Variants in C1orf21 observed in about 807,000 individuals in gnomAD.
C1orf21 encodes uncharacterized protein C1orf21.
In C1orf21, 3 loss-of-function variants were observed where a neutral mutation model predicts 18.7. The ratio of observed to expected loss-of-function variants is 0.16; its 90% CI spans 0.07 to 0.42. The LOEUF (loss-of-function observed/expected upper bound fraction) is 0.42. Ranked by LOEUF, C1orf21 falls within the 10% of genes least tolerant of loss-of-function variation. C1orf21 has a pLI of 0.99. For missense variants in C1orf21, 104 were observed against 143.6 expected (o/e 0.72, Z 1.41); for synonymous variants, 41 against 46.4 (o/e 0.88, Z 0.47).
At chr1:184,537,964 C>G (rs1658585698) in intron 3 of C1orf21, among the ~76,000 whole-genome samples, 2 of 152,136 alleles carry the variant, frequency 1.3e-5, no homozygotes, top group African/African-American at 4.8e-5. Flanking sequence ...TTTCAATTCT[C>G]TTGGGCACAT....
chr1:184,618,237 C>T (rs1033619431), intron 5 of C1orf21, among the ~76,000 whole-genome samples: 1 of 152,184 alleles, frequency 6.6e-6, no homozygotes, highest in Non-Finnish European at 1.5e-5. Context: ...GCCAAACACA[C>T]ACGGGCATGG....
At chr1:184,619,433 T>C in intron 5 of C1orf21, 85 bp from the exon 6 acceptor site, 1 of 1,429,502 alleles carries the variant, frequency 7.0e-7, no homozygotes, top group Non-Finnish European at 9.8e-7. Flanking sequence ...AGACATATAT[T>C]GAGAGAAAAT....
At position 184,579,324 on chromosome 1, in the gene C1orf21, T is replaced by G. The variant is rs1659240755; in HGVS notation, c.190-11415T>G. 2.0e-5 allele frequency among the ~76,000 whole-genome samples: 3 copies of G among 149,752 alleles called. 1 individual carries two copies. The South Asian group carries it at 6.4e-4, about 32-fold the overall frequency. On this transcript the variant is annotated intron_variant, in intron 3 of 5. Coordinates refer to ENST00000235307, the MANE Select transcript of C1orf21 (RefSeq NM_030806.4). ...ACCTCAGCCTCCCGAAGTGCTGGGA[T>G]TATAGGCATGAACTACTACACCTGA...
intron 1 of C1orf21, among the ~76,000 whole-genome samples, chr1:184,415,686 A>G (rs1656438690): frequency 6.6e-6 from 1 of 152,174 alleles, no homozygotes; most frequent in African/African-American, 2.4e-5. Context: ...GCCACCTCCT[A>G]TATTTTTAGG....
intron 3 of C1orf21, among the ~76,000 whole-genome samples, chr1:184,531,021 C>T (rs193245843): frequency 7.2e-4 from 110 of 152,292 alleles, no homozygotes; most frequent in Non-Finnish European, 1.4e-3. Flanking sequence ...CCTGTTTTCT[C>T]ATTAGAATTG....
chr1:184,533,521 G>C (rs1361952452), intron 3 of C1orf21, among the ~76,000 whole-genome samples: 1 of 152,140 alleles, frequency 6.6e-6, no homozygotes, highest in Non-Finnish European at 1.5e-5. Flanking sequence ...CCAAGACTTA[G>C]GCAGGTTGGA....
At position 184,591,763 on chromosome 1, in the gene C1orf21, G is replaced by A. The variant is rs189388542; in HGVS notation, c.266+948G>A. Among the ~76,000 whole-genome samples, 1,108 of 151,434 alleles carry A rather than the reference G, an allele frequency of 7.3e-3. 17 individuals are homozygous for A. The highest frequency in any genetic ancestry group is 9.5e-3 in the Non-Finnish European group (646 of 67,930). On this transcript the variant is annotated intron_variant, in intron 4 of 5. Transcript: ENST00000235307. The stretch of plus-strand genomic sequence containing the variant: ...GGAGCTTGCAGTGAGCAGAGATGGC[G>A]CCACTGCACTCCAGCCTGGGCGACA...
chr1:184,452,102 T>C (rs1250474906), intron 1 of C1orf21, among the ~76,000 whole-genome samples: 1 of 152,166 alleles, frequency 6.6e-6, no homozygotes, highest in Non-Finnish European at 1.5e-5. Context: ...TGGAATGCTT[T>C]CCAAACTCCT....
At chr1:184,600,924 T>C (rs1183188566) in intron 5 of C1orf21, among the ~76,000 whole-genome samples, 1 of 152,230 alleles carries the variant, frequency 6.6e-6, no homozygotes, top group East Asian at 1.9e-4. Context: ...TTAATATATG[T>C]GTTTGCTTAA....
intron 1 of C1orf21, among the ~76,000 whole-genome samples, chr1:184,470,279 A>G (rs1657475025): frequency 1.3e-5 from 2 of 152,204 alleles, no homozygotes; most frequent in African/African-American, 4.8e-5. Flanking sequence ...TCCACCTGGC[A>G]TAGCAGAGTA....
intron 1 of C1orf21, among the ~76,000 whole-genome samples, chr1:184,434,175 A>G (rs1054668349): frequency 6.6e-6 from 1 of 152,150 alleles, no homozygotes; most frequent in African/African-American, 2.4e-5. Flanking sequence ...GCATGGTGTC[A>G]GAATACAGAA....
At chr1:184,509,831 C>T (rs1658118816) in intron 3 of C1orf21, among the ~76,000 whole-genome samples, 1 of 152,128 alleles carries the variant, frequency 6.6e-6, no homozygotes. Flanking sequence ...TGAAGGGGCT[C>T]AGCAAACACA....
chr1:184,566,426 G>A, intron 3 of C1orf21: 1 of 174,344 alleles, frequency 5.7e-6, no homozygotes, highest in East Asian at 1.7e-4. Context: ...CAGCTGCCGT[G>A]TTCAGCACAG....
chr1:184,616,726 C>T (rs537028265), intron 5 of C1orf21, among the ~76,000 whole-genome samples: 38 of 150,818 alleles, frequency 2.5e-4, no homozygotes, highest in African/African-American at 9.0e-4. Context: ...GTTGTGTGCA[C>T]GTGTGTGTGT....
intron 3 of C1orf21, among the ~76,000 whole-genome samples, chr1:184,553,579 G>T (rs1456993308): frequency 6.6e-6 from 1 of 152,168 alleles, no homozygotes; most frequent in Non-Finnish European, 1.5e-5. Context: ...TGGAGTTCAG[G>T]TTTTCAGGCT....
chr1:184,456,936 G>A (rs936440329), intron 1 of C1orf21, among the ~76,000 whole-genome samples: 2 of 152,012 alleles, frequency 1.3e-5, no homozygotes, highest in Non-Finnish European at 2.9e-5. Context: ...TATGTTGACC[G>A]AAAAAAATGA....
chr1:184,418,848 G>A (rs1656501113), intron 1 of C1orf21, among the ~76,000 whole-genome samples: 1 of 152,176 alleles, frequency 6.6e-6, no homozygotes, highest in Non-Finnish European at 1.5e-5. Context: ...GCTCATGCCA[G>A]TTCCTGTTTC....
intron 3 of C1orf21, among the ~76,000 whole-genome samples, chr1:184,553,160 G>A (rs1383454158): frequency 6.6e-6 from 1 of 152,128 alleles, no homozygotes; most frequent in Non-Finnish European, 1.5e-5. Context: ...ACACGAGGAT[G>A]AGGGATGGTG....
chr1:184,599,079 C>T (rs940190636), intron 5 of C1orf21, among the ~76,000 whole-genome samples: 2 of 152,130 alleles, frequency 1.3e-5, no homozygotes, highest in Admixed American at 1.3e-4. Flanking sequence ...TTTATACTGA[C>T]AGTAAGATAC....
Sources: allele counts gnomAD v4.1 joint callset (sites outside exome capture counted in the v4.1 genomes callset), GRCh38; gene constraint gnomAD v4.1.1; transcripts MANE v1.5; gene names NCBI Gene and HGNC (gene_info 2026-07-23, HGNC 2026-07-21).